The following CCSER1 variants were observed in gnomAD, a reference collection of about 807,000 sequenced individuals.
The protein encoded by CCSER1 is serine-rich coiled-coil domain-containing protein 1.
A neutral mutation model predicts 82.0 loss-of-function variants in CCSER1; 41 were observed. That is an observed-to-expected ratio of 0.50 (90% CI 0.39 to 0.65). The LOEUF is 0.65. Among genes scored for constraint, CCSER1 ranks in the 30% least tolerant of loss-of-function variants. CCSER1 has a pLI of 0.00. For missense variants in CCSER1, 1,119 were observed against 1,064.2 expected (o/e 1.05, Z -0.72); for synonymous variants, 414 against 383.9 (o/e 1.08, Z -0.92).
chr4:90,870,808 T>G (rs1364941798), intron 8 of CCSER1, among the ~76,000 whole-genome samples: 1 of 141,222 alleles, frequency 7.1e-6, no homozygotes, highest in East Asian at 2.0e-4. Flanking sequence ...AGCCACCAGG[T>G]CCTTGGCTTT....
At chr4:91,038,345 A>T (rs560799611) in intron 9 of CCSER1, among the ~76,000 whole-genome samples, 183 of 152,328 alleles carry the variant, frequency 1.2e-3, no homozygotes, top group Non-Finnish European at 1.8e-3. Flanking sequence ...AAAGTGCTTG[A>T]AAAAAATATA....
chr4:90,588,032 T>C (rs1422977075), intron 5 of CCSER1, among the ~76,000 whole-genome samples: 1 of 152,206 alleles, frequency 6.6e-6, no homozygotes, highest in African/African-American at 2.4e-5. Flanking sequence ...GTCCATACTT[T>C]AATTAAATAT....
At chr4:90,923,635 C>G in intron 9 of CCSER1, 188 bp downstream of exon 9, 1 of 491,988 alleles carries the variant, frequency 2.0e-6, no homozygotes, top group Non-Finnish European at 3.6e-6. Context: ...CAGGCACCAA[C>G]TGGCATACCA....
At chr4:90,410,995 A>T (rs917171232) in intron 4 of CCSER1, among the ~76,000 whole-genome samples, 2 of 152,166 alleles carry the variant, frequency 1.3e-5, no homozygotes, top group African/African-American at 4.8e-5. Context: ...TACTATAAAC[A>T]CCTCTACACA....
intron 1 of CCSER1, among the ~76,000 whole-genome samples, chr4:90,274,564 G>A (rs1328161152): frequency 6.6e-6 from 1 of 151,794 alleles, no homozygotes; most frequent in Non-Finnish European, 1.5e-5. Flanking sequence ...ACTAGAATTG[G>A]GTATGAATAA....
chr4:91,023,144 A>G (rs1005253899), intron 9 of CCSER1, among the ~76,000 whole-genome samples: 1 of 152,216 alleles, frequency 6.6e-6, no homozygotes, highest in Non-Finnish European at 1.5e-5. Context: ...CCACTGCTCA[A>G]AGAAATAAAG....
At chr4:90,237,779 C>T (rs954708013) in intron 1 of CCSER1, among the ~76,000 whole-genome samples, 7 of 152,026 alleles carry the variant, frequency 4.6e-5, no homozygotes, top group African/African-American at 1.7e-4. Context: ...TTGAAAATAA[C>T]GACAACATCT....
chr4:91,399,444 G>A (rs1752189754), intron 10 of CCSER1, among the ~76,000 whole-genome samples: 1 of 151,954 alleles, frequency 6.6e-6, no homozygotes, highest in Admixed American at 6.6e-5. Flanking sequence ...TGTAATTTAT[G>A]CCTATAAAAC....
chr4:90,276,410 G>A (rs1267476894), intron 1 of CCSER1, among the ~76,000 whole-genome samples: 1 of 145,348 alleles, frequency 6.9e-6, no homozygotes, highest in African/African-American at 2.6e-5. Context: ...GCAGTGGCAC[G>A]ATCTCTGCTC....
chr4:90,222,461 G>C (rs921398439), intron 1 of CCSER1, among the ~76,000 whole-genome samples: 14 of 152,156 alleles, frequency 9.2e-5, no homozygotes, highest in African/African-American at 3.4e-4. Context: ...TTAAAGGCAA[G>C]TTTGGGCTTG....
intron 6 of CCSER1, among the ~76,000 whole-genome samples, chr4:90,709,952 T>C (rs1046969799): frequency 6.6e-6 from 1 of 151,642 alleles, no homozygotes; most frequent in Non-Finnish European, 1.5e-5. Context: ...ATCTGTTTTT[T>C]TTTTTTTTTT....
intron 10 of CCSER1, among the ~76,000 whole-genome samples, chr4:91,137,728 A>G (rs1728622546): frequency 6.6e-6 from 1 of 152,040 alleles, no homozygotes; most frequent in African/African-American, 2.4e-5. Context: ...ATGATATCTC[A>G]TAGTGGTTTT....
chr4:90,779,286 C>T (rs992320470), intron 7 of CCSER1, among the ~76,000 whole-genome samples: 1 of 151,612 alleles, frequency 6.6e-6, no homozygotes, highest in Non-Finnish European at 1.5e-5. Flanking sequence ...TGTTTTCTTC[C>T]TCTTTTTCTG....
intron 10 of CCSER1, among the ~76,000 whole-genome samples, chr4:91,589,614 A>C (rs941482380): frequency 6.6e-6 from 1 of 150,738 alleles, no homozygotes; most frequent in Non-Finnish European, 1.5e-5. Context: ...AAGCCACTAC[A>C]ATTGTTCACT....
intron 10 of CCSER1, among the ~76,000 whole-genome samples, chr4:91,341,853 G>A (rs538842696): frequency 6.6e-6 from 1 of 152,316 alleles, no homozygotes; most frequent in Non-Finnish European, 1.5e-5. Context: ...AAAAATGATA[G>A]TTATTTAGTG....
chr4:90,988,128 G>A (rs147827318), intron 9 of CCSER1, among the ~76,000 whole-genome samples: 22 of 151,324 alleles, frequency 1.5e-4, no homozygotes, highest in Admixed American at 7.3e-4. Flanking sequence ...ACCAGCCTGG[G>A]TAACATAATG....
intron 4 of CCSER1, among the ~76,000 whole-genome samples, chr4:90,457,980 C>T (rs1055285677): frequency 3.3e-5 from 5 of 152,190 alleles, no homozygotes; most frequent in African/African-American, 7.2e-5. Context: ...TCTGGTGTGT[C>T]GGTGCCACCC....
At chr4:91,460,969 G>T (rs532876518) in intron 10 of CCSER1, among the ~76,000 whole-genome samples, 1 of 152,200 alleles carries the variant, frequency 6.6e-6, no homozygotes, top group South Asian at 2.1e-4. Context: ...CATTTTCCCT[G>T]GCTTCTATGA....
At chr4:91,470,898 A>C (rs1024239985) in intron 10 of CCSER1, among the ~76,000 whole-genome samples, 2 of 152,192 alleles carry the variant, frequency 1.3e-5, no homozygotes, top group Admixed American at 6.5e-5. Flanking sequence ...TATTCATAGC[A>C]ATCCATTTGC....
Sources: gnomAD v4.1 joint callset for allele counts (sites outside exome capture counted in the v4.1 genomes callset) on GRCh38, gnomAD v4.1.1 for gene constraint, MANE v1.5 for transcripts, NCBI Gene and HGNC (gene_info 2026-07-23, HGNC 2026-07-21) for gene names.